Variants in ABCC9 observed in about 807,000 individuals in gnomAD.
ABCC9 encodes ATP-binding cassette sub-family C member 9.
A neutral mutation model predicts 188.3 loss-of-function variants in ABCC9; 95 were observed. That is an observed-to-expected ratio of 0.50 (90% CI 0.43 to 0.60). The LOEUF (loss-of-function observed/expected upper bound fraction) is 0.60. Ranked by LOEUF, ABCC9 falls within the 20% of genes least tolerant of loss-of-function variation. ABCC9 has a pLI of 0.00. For synonymous variants in ABCC9, 659 were observed against 652.7 expected (o/e 1.01, Z -0.15); for missense variants, 1,102 against 1,876.3 (o/e 0.59, Z 7.62).
At chr12:21,920,049 TTAA>T (rs1473387123) in intron 5 of ABCC9, among the ~76,000 whole-genome samples, 1 of 151,982 alleles carries the variant, frequency 6.6e-6, no homozygotes, top group Non-Finnish European at 1.5e-5. Context: ...ATTCAAGACT[TTAA>T]TAACACCCTG....
In ABCC9 at chr12:21,805,220, G is replaced by T. The variant is rs572721907; in HGVS notation, c.4512+778C>A. 1.9e-5 allele frequency: 31 copies of T among 1,613,974 alleles called. No homozygotes were observed. The East Asian group carries it at 6.2e-4, about 32-fold the overall frequency. ...AGTGGAAAAGAGGCCATTCTTGTGG[G>T]CGAGCAAATTTGGGACAGTATCACA... On this transcript the variant is annotated intron_variant, in intron 39 of 39. Coordinates refer to ENST00000261200, the MANE Select transcript of ABCC9 (RefSeq NM_020297.4).
intron 33 of ABCC9, 143 bp from the exon 34 acceptor site, chr12:21,816,036 GTTTTTTTTTTTTTTTTTTT>G (rs10611051): frequency 3.1e-3 from 182 of 58,258 alleles, no homozygotes; most frequent in Middle Eastern, 0.012. Flanking sequence ...CTATGTGGCA[GTTTTTTTTTTTTTTTTTTT>G]TTTTTTTTTT....
At chr12:21,933,031 A>G (rs1190110333) in intron 4 of ABCC9, among the ~76,000 whole-genome samples, 2 of 79,884 alleles carry the variant, frequency 2.5e-5, no homozygotes, top group Non-Finnish European at 5.8e-5. Context: ...GTACATATAC[A>G]CTATGGAATA....
At chr12:21,895,155 G>A (rs761576401) in intron 13 of ABCC9, 120 bp downstream of exon 13, 17 of 833,686 alleles carry the variant, frequency 2.0e-5, no homozygotes, top group Non-Finnish European at 3.4e-5. Flanking sequence ...AATGGAGACT[G>A]CCATAGAGAG....
In ABCC9 at chr12:21,910,933, C is replaced by G. The variant is rs1249450265; in HGVS notation, c.1057G>C (p.Val353Leu). Residue 353 changes from valine to leucine, a missense_variant, in exon 9 of 40, where the codon GTT becomes CTT. By Grantham distance (32) the Val-to-Leu change is conservative. Around this residue, in one of 12 missense-constraint regions of ABCC9, gnomAD observed 305 missense variants for 573.0 expected, o/e 0.53. Coordinates refer to ENST00000261200, the MANE Select transcript of ABCC9 (RefSeq NM_020297.4). ...GCCAAGAAGAGAAGAACTGCTAGAA[C>G]GTAAGCGTTTTCAAGAAATTCCTTT... ...SSKEFLENAY[V>L]LAVLLFLALI... 1.2e-6 allele frequency: 2 copies of G among 1,612,400 alleles called. No homozygotes were observed. Among genetic ancestry groups the G allele is most frequent in the Non-Finnish European group, 1.7e-6 (2 of 1,178,822 alleles).
chr12:21,809,391 A>G (rs548490477), intron 37 of ABCC9, among the ~76,000 whole-genome samples: 290 of 152,298 alleles, frequency 1.9e-3, no homozygotes, highest in African/African-American at 6.4e-3. Context: ...TATATAAATA[A>G]AAAGAATTTT....
chr12:21,935,242 A>G (rs1949440021), intron 3 of ABCC9, among the ~76,000 whole-genome samples: 2 of 152,146 alleles, frequency 1.3e-5, no homozygotes, highest in Non-Finnish European at 2.9e-5. Flanking sequence ...TAAAAAATCC[A>G]TTTTTCTACT....
chr12:21,811,034 A>G (rs960165832), intron 36 of ABCC9, among the ~76,000 whole-genome samples: 1 of 152,108 alleles, frequency 6.6e-6, no homozygotes, highest in Non-Finnish European at 1.5e-5. Context: ...CCCAAATCTC[A>G]TCTCGAATTG....
intron 31 of ABCC9, among the ~76,000 whole-genome samples, chr12:21,826,525 C>G (rs1011602581): frequency 6.6e-6 from 1 of 152,122 alleles, no homozygotes; most frequent in Non-Finnish European, 1.5e-5. Flanking sequence ...ATTTAACACT[C>G]CTACTGTGGC....
chr12:21,910,127 C>T, intron 10 of ABCC9, 30 bp downstream of exon 10: 1 of 1,592,394 alleles, frequency 6.3e-7, no homozygotes, highest in Non-Finnish European at 8.6e-7. Flanking sequence ...CCTCTGCAGA[C>T]AAAAATCTTA....
chr12:21,823,454 C>T (rs138162125), intron 31 of ABCC9, among the ~76,000 whole-genome samples: 1 of 152,266 alleles, frequency 6.6e-6, no homozygotes, highest in Non-Finnish European at 1.5e-5. Flanking sequence ...CTTCAAATTA[C>T]GAGATCACTG....
intron 37 of ABCC9, among the ~76,000 whole-genome samples, chr12:21,809,141 G>A (rs1025936211): frequency 1.6e-4 from 24 of 151,944 alleles, no homozygotes; most frequent in Admixed American, 8.5e-4. Context: ...AAGATGTTAA[G>A]GAAGCAAAGT....
At chr12:21,880,249 G>A (rs530880753) in intron 16 of ABCC9, among the ~76,000 whole-genome samples, 10 of 152,016 alleles carry the variant, frequency 6.6e-5, no homozygotes, top group Non-Finnish European at 1.2e-4. Flanking sequence ...TTGATCTTAT[G>A]TGTATTAAAG....
intron 5 of ABCC9, among the ~76,000 whole-genome samples, chr12:21,917,873 A>C (rs536871239): frequency 6.6e-6 from 1 of 152,336 alleles, no homozygotes; most frequent in East Asian, 1.9e-4. Context: ...AAGAAAGAAG[A>C]AATCTAAGAC....
At chr12:21,830,617 A>G (rs560985533) in intron 30 of ABCC9, among the ~76,000 whole-genome samples, 21 of 152,244 alleles carry the variant, frequency 1.4e-4, no homozygotes, top group Non-Finnish European at 2.6e-4. Flanking sequence ...TAATCCATAC[A>G]GGCCAATATA....
intron 8 of ABCC9, 150 bp downstream of exon 8, chr12:21,912,722 G>T: frequency 1.3e-6 from 1 of 782,440 alleles, no homozygotes; most frequent in Non-Finnish European, 2.0e-6. Flanking sequence ...TTTCTAAAAG[G>T]AAAATTACTG....
intron 39 of ABCC9, among the ~76,000 whole-genome samples, 192 bp downstream of exon 39, chr12:21,805,806 T>A (rs1183031439): frequency 6.6e-6 from 1 of 152,172 alleles, no homozygotes; most frequent in Non-Finnish European, 1.5e-5. Flanking sequence ...GTCAGTTAGG[T>A]AGAGCAGACA....
In ABCC9 at chr12:21,848,190, A is replaced by G. The variant is rs141025897; in HGVS notation, c.2826T>C (p.Tyr942=). The G allele has an allele frequency of 1.4e-4, 233 of 1,613,698 alleles. No homozygotes were observed. In the African/African-American group the frequency reaches 2.8e-3, roughly 19 times the overall value. Residue 942 remains tyrosine (Y), a synonymous_variant, in exon 25 of 40, where the codon TAT becomes TAC. Transcript: ENST00000261200. The stretch of plus-strand genomic sequence containing the variant: ...CCATCTGGGCTTTGGCTTCTCTTGA[A>G]TACATGGCCCGTCGGAGAGTTTTCC... ...LERKTLRRAM[Y]SREAKAQMED... is the part of the protein sequence containing the mutation.
intron 14 of ABCC9, among the ~76,000 whole-genome samples, chr12:21,891,877 C>A (rs1947177104): frequency 6.6e-6 from 1 of 152,138 alleles, no homozygotes; most frequent in Non-Finnish European, 1.5e-5. Context: ...TCACGGCTTC[C>A]CAGGCACAGA....
Sources: gnomAD v4.1 joint callset for allele counts (sites outside exome capture counted in the v4.1 genomes callset) on GRCh38, gnomAD v4.1.1 for gene constraint, gnomAD v4.1.1 regional missense constraint, MANE v1.5 for transcripts, NCBI Gene and HGNC (gene_info 2026-07-23, HGNC 2026-07-21) for gene names.